Variants in KDM6B observed in about 807,000 individuals in gnomAD.
KDM6B encodes lysine-specific demethylase 6B.
In KDM6B, 22 loss-of-function variants were observed where a neutral mutation model predicts 150.4. The observed-to-expected ratio is 0.15, with a 90% CI of 0.10 to 0.21. The LOEUF (loss-of-function observed/expected upper bound fraction) is 0.21. Ranked by LOEUF, KDM6B falls within the 10% of genes least tolerant of loss-of-function variation. The probability of loss-of-function intolerance (pLI) is 1.00; values close to 1 mark genes in which losing one functional copy is unlikely to be tolerated. For synonymous variants in KDM6B, 1,148 were observed against 921.1 expected, an observed-to-expected ratio of 1.25 and a Z score of -4.46; for missense variants, 1,984 against 2,234.3, an observed-to-expected ratio of 0.89 and a Z score of 2.26.
At position 7,846,692 on chromosome 17, in the gene KDM6B, G is replaced by C. The variant is rs79548905; in HGVS notation, c.663G>C (p.Glu221Asp). Reference sequence around the variant, plus strand: ...CACTCTCAGGCCCCTCAGGGGAGGAGGGCCTCAGCCCTGGAGGCAAGCGAA... The same window carrying C: ...CACTCTCAGGCCCCTCAGGGGAGGACGGCCTCAGCCCTGGAGGCAAGCGAA... ...PAALSGPSGE[E>D]GLSPGGKRRR... Residue 221 changes from glutamate to aspartate, a missense_variant, in exon 9 of 24, where the codon GAG (glutamate) becomes GAC (aspartate). By Grantham distance (45) the Glu-to-Asp change is conservative. Transcript: ENST00000448097. The C allele has an allele frequency of 0.024, 39,318 of 1,614,128 alleles. 587 individuals carry two copies. Among genetic ancestry groups the C allele is most frequent in the Non-Finnish European group, 0.029 (33,853 of 1,179,974 alleles).
Position 7,853,492 on chromosome 17 carries a change from C to G in KDM6B, c.4909-6C>G. The G allele has an allele frequency of 6.6e-7, 1 of 1,507,778 alleles. No homozygotes were observed. The allele number at this position is 1,507,778 out of a possible 1,614,324, so 93.4% of individuals were successfully genotyped here. A position where few individuals can be genotyped will look rare whatever the true frequency, so the allele number is the denominator to read the frequency against. On this transcript the variant is annotated splice_region_variant and splice_polypyrimidine_tract_variant and intron_variant, in intron 23 of 23. Transcript: ENST00000448097. The stretch of plus-strand genomic sequence containing the variant: ...CCCTGAGCCCCCGCCGGCTTTCTCC[C>G]CCCAGGCCCCAGCCAGCACGTCGCG...
chr17:7,843,536 G>A lies in KDM6B; in HGVS notation c.-268-1365G>A, dbSNP rs2078461196. 6.6e-6 allele frequency among the ~76,000 whole-genome samples: 1 copy of A among 152,172 alleles called. No homozygotes were observed. Among genetic ancestry groups the A allele is most frequent in the African/African-American group, 2.4e-5 (1 of 41,436 alleles). ...TCGGGAAGGAAGGCTCTTTTCACCA[G>A]AAACCCGTCTGCCCTTGTGGGCTGG... is the stretch of plus-strand genomic sequence containing the variant. On this transcript the variant is annotated intron_variant, in intron 2 of 23. Transcript: ENST00000448097. The surrounding 1 kb of genome is among the most constrained non-coding windows in gnomAD (Gnocchi z 4.5).
chr17:7,847,769 C>T lies in KDM6B; in HGVS notation c.1481C>T (p.Ala494Val), dbSNP rs775863504. The change falls in exon 12 of 24, where the codon GCC becomes GTC. Residue 494 changes from alanine (A) to valine (V), a missense_variant. Coordinates refer to ENST00000448097, the MANE Select transcript of KDM6B (RefSeq NM_001348716.2). ...TTGAAGGGTCCGGCCTGCCGGGCAG[C>T]CCGAGAGGATGGAGAGATCTTAGAA... ...AWLKGPACRAAREDGEILEEL... is the reference protein window; with the variant it reads ...AWLKGPACRAVREDGEILEEL... 1.3e-6 allele frequency: 2 copies of T among 1,542,464 alleles called. No individual in the cohort carries two copies. The highest frequency in any genetic ancestry group is 2.4e-5 in the South Asian group (2 of 84,234).
At chr17:7,837,701 AG>A (rs1310214439) in intron 1 of KDM6B, among the ~76,000 whole-genome samples, 6 of 152,198 alleles carry the variant, frequency 3.9e-5, no homozygotes, top group African/African-American at 1.4e-4. Context: ...GGCCGCTGGG[AG>A]GAAAAAAATG....
At position 7,852,988 on chromosome 17, in the gene KDM6B, A is replaced by C; in HGVS notation, c.4611-12A>C. The C allele has an allele frequency of 6.2e-7, 1 of 1,613,496 alleles. No individual in the cohort carries two copies. The highest frequency in any genetic ancestry group is 1.1e-5 in the South Asian group (1 of 90,942). Reference sequence around the variant, plus strand: ...TTGCCGGTGGTCTCAACACAACCCCACTGCTCCCCAGGTTCTGCCTGCTGC... The same window carrying C: ...TTGCCGGTGGTCTCAACACAACCCCCCTGCTCCCCAGGTTCTGCCTGCTGC... On this transcript the variant is annotated splice_polypyrimidine_tract_variant and intron_variant, in intron 21 of 23. Coordinates refer to ENST00000448097, the MANE Select transcript of KDM6B (RefSeq NM_001348716.2).
rs1597832386 is a variant in KDM6B, at chr17:7,845,400, A to T, written c.-62A>T. Reference sequence around the variant, plus strand: ...CTGGAGCCGGACCATCGTCCCAGAGAGCTGGGGCAGGGGGCCGTGCCCAAT... The same window carrying T: ...CTGGAGCCGGACCATCGTCCCAGAGTGCTGGGGCAGGGGGCCGTGCCCAAT... On this transcript the variant is annotated 5_prime_UTR_variant, in exon 4 of 24. Coordinates refer to ENST00000448097, the MANE Select transcript of KDM6B (RefSeq NM_001348716.2). 3.3e-6 allele frequency: 3 copies of T among 919,804 alleles called. No homozygotes were observed. In the East Asian group the frequency reaches 7.4e-5, roughly 23 times the overall value. The allele number at this position is 919,804 out of a possible 1,614,324, so 57.0% of individuals were successfully genotyped here.
At position 7,847,527 on chromosome 17, in the gene KDM6B, C is replaced by T; in HGVS notation, c.1258-19C>T. On this transcript the variant is annotated intron_variant, in intron 11 of 23. Transcript: ENST00000448097. ...GGCAGCCCGAGCAATGCTCCTACCA[C>T]CTGCTTCTACACTTGCAGCCCGGCG... The T allele has an allele frequency of 6.2e-7, 1 of 1,613,144 alleles. No individual in the cohort carries two copies. Among genetic ancestry groups the T allele is most frequent in the Non-Finnish European group, 8.5e-7 (1 of 1,179,882 alleles).
In KDM6B at chr17:7,834,250, C is replaced by T. The variant is rs2078285078; in HGVS notation, c.-488C>T. On this transcript the variant is annotated 5_prime_UTR_variant, in exon 1 of 24. Transcript: ENST00000448097. ...TGGAAAATCCAACTGCGCCACTGGG[C>T]GGAGCGGCCCCCCCAGCCCCGGCCT... is the stretch of plus-strand genomic sequence containing the variant. Among the ~76,000 whole-genome samples the T allele has an allele frequency of 6.6e-6, 1 of 151,094 alleles. No individual in the cohort carries two copies.
rs769844173 is a variant in KDM6B, at chr17:7,848,512, CCCA to C, written c.2229_2231del (p.Thr745del). The C allele has an allele frequency of 1.1e-5, 17 of 1,612,016 alleles. 1 individual carries two copies. Among genetic ancestry groups the C allele is most frequent in the Admixed American group, 1.0e-4 (6 of 59,960 alleles). On this transcript the variant is annotated inframe_deletion, in exon 12 of 24. Coordinates refer to ENST00000448097, the MANE Select transcript of KDM6B (RefSeq NM_001348716.2). The stretch of plus-strand genomic sequence containing the variant: ...GTCTCCTTTCCCCACCGACACAGCC[CCCA>C]CCACTACTGCTCCTGCTGTCGCCGT...
chr17:7,848,471 C>T lies in KDM6B; in HGVS notation c.2183C>T (p.Pro728Leu). The T allele has an allele frequency of 6.2e-7, 1 of 1,612,092 alleles. No individual in the cohort carries two copies. The highest frequency in any genetic ancestry group is 1.1e-5 in the South Asian group (1 of 91,054). The change falls in exon 12 of 24, where the codon CCC becomes CTC. Residue 728 changes from proline (P) to leucine (L), a missense_variant. Pro to Leu is a moderately conservative substitution (Grantham distance 98). Around this residue, in one of 13 missense-constraint regions of KDM6B, gnomAD observed 1,379 missense variants for 1,275.6 expected, o/e 1.08. Coordinates refer to ENST00000448097, the MANE Select transcript of KDM6B (RefSeq NM_001348716.2). The part of the protein sequence containing the change: ...GVAPQPPLKE[P>L]FASLQSPFPT... ...GCCCCCCAACCCCCGCTGAAGGAGC[C>T]CTTTGCATCTCTGCAGTCTCCTTTC...
In KDM6B at chr17:7,853,659, T is replaced by A; in HGVS notation, c.*138T>A. The A allele has an allele frequency of 1.5e-4, 60 of 392,954 alleles. No individual in the cohort carries two copies. Among genetic ancestry groups the A allele is most frequent in the Non-Finnish European group, 2.4e-4 (57 of 239,760 alleles). The allele number at this position is 392,954 out of a possible 1,614,324, so 24.3% of individuals were successfully genotyped here. On this transcript the variant is annotated 3_prime_UTR_variant, in exon 24 of 24. Transcript: ENST00000448097. ...CCTTCCACCCCATTGGCAGCTCCCC[T>A]CACTTAATTTATTAAGAAAAACTTT...
intron 1 of KDM6B, among the ~76,000 whole-genome samples, chr17:7,835,360 G>A (rs2078313373): frequency 6.6e-6 from 1 of 152,104 alleles, no homozygotes; most frequent in Admixed American, 6.5e-5. Flanking sequence ...GGGGAAGGCC[G>A]AGGGCAGGAC....
rs1346309322 is a variant in KDM6B at position 7,853,657 on chromosome 17, C to T, written c.*136C>T. On this transcript the variant is annotated 3_prime_UTR_variant, in exon 24 of 24. Coordinates refer to ENST00000448097, the MANE Select transcript of KDM6B (RefSeq NM_001348716.2). ...GCCCTTCCACCCCATTGGCAGCTCC[C>T]CTCACTTAATTTATTAAGAAAAACT... 17 of 511,336 alleles carry T rather than the reference C, an allele frequency of 3.3e-5. No homozygotes were observed. In the Admixed American group the frequency reaches 7.0e-4, roughly 21 times the overall value. The allele number at this position is 511,336 out of a possible 1,614,324, so 31.7% of individuals were successfully genotyped here. A position where few individuals can be genotyped will look rare whatever the true frequency, so the allele number is the denominator to read the frequency against.
chr17:7,848,483 T>C lies in KDM6B; in HGVS notation c.2195T>C (p.Leu732Pro), dbSNP rs143209005. 4.3e-5 allele frequency: 69 copies of C among 1,609,324 alleles called. No individual in the cohort carries two copies. The highest frequency in any genetic ancestry group is 5.8e-5 in the Non-Finnish European group (68 of 1,179,386). Residue 732 changes from leucine (L) to proline (P), a missense_variant, in exon 12 of 24, where the codon CTG becomes CCG. Physicochemically the swap from Leu to Pro is moderately conservative, Grantham distance 98 (BLOSUM62 -3). Transcript: ENST00000448097. ...CCGCTGAAGGAGCCCTTTGCATCTC[T>C]GCAGTCTCCTTTCCCCACCGACACA... ...QPPLKEPFAS[L>P]QSPFPTDTAP...
intron 2 of KDM6B, among the ~76,000 whole-genome samples, chr17:7,841,255 G>A (rs1192725172): frequency 6.6e-6 from 1 of 152,216 alleles, no homozygotes; most frequent in African/African-American, 2.4e-5. Context: ...GCCACAGGGA[G>A]CTCTGAGGAT....
chr17:7,846,497 G>T lies in KDM6B; in HGVS notation c.549+5G>T. The T allele has an allele frequency of 6.2e-7, 1 of 1,614,010 alleles. No homozygotes were observed. Among genetic ancestry groups the T allele is most frequent in the Non-Finnish European group, 8.5e-7 (1 of 1,179,966 alleles). On this transcript the variant is annotated splice_donor_5th_base_variant and intron_variant, in intron 8 of 23. Transcript: ENST00000448097. ...TGGAACTTGCTACACCTTGAGGTGA[G>T]GCTGGCACTGGGTGGGTTAGGGAGG...
At chr17:7,845,514 C>G (rs372417886) in intron 4 of KDM6B, 36 bp from the exon 5 acceptor site, 6 of 1,613,602 alleles carry the variant, frequency 3.7e-6, no homozygotes, top group African/African-American at 2.7e-5. Flanking sequence ...CTGGTTTTGC[C>G]TCCAGTAAGA....
chr17:7,845,965 T>C lies in KDM6B; in HGVS notation c.231T>C (p.Ala77=), dbSNP rs1441974958. ...GGCACCCCAGCAAACCATATTATGCTCCAGGGTGAGTGGATATTTGAAGGT... is the reference window on the plus strand; with the variant it reads ...GGCACCCCAGCAAACCATATTATGCCCCAGGGTGAGTGGATATTTGAAGGT... The part of the protein sequence containing the change: ...SSGHPSKPYY[A]PGAPTPRPLH... The change falls in exon 6 of 24, where the codon GCT becomes GCC. Residue 77 remains alanine (A), a synonymous_variant. Coordinates refer to ENST00000448097, the MANE Select transcript of KDM6B (RefSeq NM_001348716.2). The C allele has an allele frequency of 1.2e-6, 2 of 1,613,594 alleles. No homozygotes were observed. The highest frequency in any genetic ancestry group is 1.3e-5 in the African/African-American group (1 of 74,978).
chr17:7,846,541 C>T, intron 8 of KDM6B, 38 bp from the exon 9 acceptor site: 1 of 1,614,066 alleles, frequency 6.2e-7, no homozygotes, highest in Non-Finnish European at 8.5e-7. Context: ...GCTGTGCCTG[C>T]ACCCGTGCCA....
Sources: allele counts gnomAD v4.1 joint callset (sites outside exome capture counted in the v4.1 genomes callset), GRCh38; gene constraint gnomAD v4.1.1; regional missense constraint gnomAD v4.1.1; non-coding constraint Gnocchi (gnomAD v3.1); transcripts MANE v1.5; gene names NCBI Gene and HGNC (gene_info 2026-07-23, HGNC 2026-07-21).